Variants in LLGL2 observed in about 807,000 individuals in gnomAD.
LLGL2 encodes the protein LLGL2, scribble cell polarity complex component.
In LLGL2, 81 loss-of-function variants were observed where a neutral mutation model predicts 123.2. The ratio of observed to expected loss-of-function variants is 0.66; its 90% CI spans 0.55 to 0.79. The LOEUF (loss-of-function observed/expected upper bound fraction) is 0.79. Ranked by LOEUF, LLGL2 falls within the 30% of genes least tolerant of loss-of-function variation. The pLI, the probability that LLGL2 is intolerant of heterozygous loss-of-function variation, is 0.00. For synonymous variants in LLGL2, 577 were observed against 594.1 expected, an observed-to-expected ratio of 0.97 and a Z score of 0.42; for missense variants, 1,273 against 1,414.6, an observed-to-expected ratio of 0.90 and a Z score of 1.61.
chr17:75,570,565 G>C, intron 16 of LLGL2, 67 bp downstream of exon 16: 1 of 1,509,536 alleles, frequency 6.6e-7, no homozygotes. Flanking sequence ...CCAGCAGGGG[G>C]GCCACACGGC....
rs2055790604 is a variant in LLGL2 at position 75,572,917 on chromosome 17, C to G, written c.2461-97C>G. The stretch of plus-strand genomic sequence containing the variant: ...TGAGAGCCAAGGGTTTGTCAGGACA[C>G]CGGGAGGCATGTGGGGAGGGGAGGG... On this transcript the variant is annotated intron_variant, in intron 19 of 25. Coordinates refer to ENST00000392550, the MANE Select transcript of LLGL2 (RefSeq NM_001031803.2). 12 of 1,428,732 alleles carry G rather than the reference C, an allele frequency of 8.4e-6. No individual in the cohort carries two copies. In the South Asian group the frequency reaches 1.5e-4, roughly 17 times the overall value. 88.5% of individuals were successfully genotyped at this position (1,428,732 alleles called of 1,614,324 possible). A position where few individuals can be genotyped will look rare whatever the true frequency, so the allele number is the denominator to read the frequency against.
Position 75,573,298 on chromosome 17 carries a change from T to G in LLGL2, c.2725+20T>G, listed in dbSNP as rs1384083047. On this transcript the variant is annotated intron_variant, in intron 20 of 25. Coordinates refer to ENST00000392550, the MANE Select transcript of LLGL2 (RefSeq NM_001031803.2). Reference sequence around the variant, plus strand: ...GCCAAGGTGTTTGAGCCGGGCTGGGTGGGTGTCGGGGCCCCGGGCACTGCA... The same window carrying G: ...GCCAAGGTGTTTGAGCCGGGCTGGGGGGGTGTCGGGGCCCCGGGCACTGCA... 1.9e-6 allele frequency: 3 copies of G among 1,583,218 alleles called. No homozygotes were observed. In the South Asian group the frequency reaches 3.4e-5, roughly 18 times the overall value.
chr17:75,530,643 C>G (rs2053747620), intron 1 of LLGL2, among the ~76,000 whole-genome samples: 1 of 82,636 alleles, frequency 1.2e-5, no homozygotes, highest in African/African-American at 3.4e-5. Context: ...GAGCGAGACT[C>G]CATTTCAAAA....
rs1315202923 is a variant in LLGL2, at chr17:75,558,673, C to T, written c.371+46C>T. The stretch of plus-strand genomic sequence containing the variant: ...CCCTTCCACTCCCAGCCCAGCCTGA[C>T]CCTTGCCCTTAGCTCTGGAGTGGAC... On this transcript the variant is annotated intron_variant, in intron 5 of 25. Coordinates refer to ENST00000392550, the MANE Select transcript of LLGL2 (RefSeq NM_001031803.2). The surrounding 1 kb of genome is among the most constrained non-coding windows in gnomAD (Gnocchi z 4.0). 1 of 1,460,082 alleles carries T rather than the reference C, an allele frequency of 6.8e-7. No homozygotes were observed. Among genetic ancestry groups the T allele is most frequent in the Non-Finnish European group, 9.4e-7 (1 of 1,064,746 alleles). The allele number at this position is 1,460,082 out of a possible 1,614,324, so 90.4% of individuals were successfully genotyped here. A position where few individuals can be genotyped will look rare whatever the true frequency, so the allele number is the denominator to read the frequency against.
intron 2 of LLGL2, among the ~76,000 whole-genome samples, chr17:75,555,248 G>C (rs2054855213): frequency 6.6e-6 from 1 of 150,958 alleles, no homozygotes; most frequent in Non-Finnish European, 1.5e-5. Context: ...TTAGGTTCTA[G>C]CAAGGTTACT....
At chr17:75,555,288 T>C (rs927480458) in intron 2 of LLGL2, among the ~76,000 whole-genome samples, 21 of 94,040 alleles carry the variant, frequency 2.2e-4, no homozygotes, top group African/African-American at 7.1e-4. Context: ...GTAATTTTTG[T>C]TCTTTTTTTT....
Position 75,564,495 on chromosome 17 carries a change from G to A in LLGL2, c.1024G>A (p.Asp342Asn). The change falls in exon 10 of 26, where the codon GAC becomes AAC. Residue 342 changes from aspartate to asparagine, a missense_variant. By Grantham distance (23) the Asp-to-Asn change is conservative (BLOSUM62 1). Coordinates refer to ENST00000392550, the MANE Select transcript of LLGL2 (RefSeq NM_001031803.2). This position sits in a 1 kb window ranked among gnomAD's most constrained non-coding sequence, Gnocchi z 4.9. Reference sequence around the variant, plus strand: ...CGGCTTCACTGTCCTCACAGAGGCAGACCCTGCAGCCAGTAGGAGAGCTTC... The same window carrying A: ...CGGCTTCACTGTCCTCACAGAGGCAAACCCTGCAGCCAGTAGGAGAGCTTC... ...VIGFTVLTEADPAATFDDPYA... is the reference protein window; with the variant it reads ...VIGFTVLTEANPAATFDDPYA... 6 of 1,613,038 alleles carry A rather than the reference G, an allele frequency of 3.7e-6. No homozygotes were observed. The highest frequency in any genetic ancestry group is 4.2e-6 in the Non-Finnish European group (5 of 1,179,984).
Position 75,563,177 on chromosome 17 carries a change from A to T in LLGL2, c.692A>T (p.Gln231Leu). The T allele has an allele frequency of 8.7e-6, 14 of 1,613,070 alleles. No individual in the cohort carries two copies. The highest frequency in any genetic ancestry group is 1.2e-5 in the Non-Finnish European group (14 of 1,180,000). Reference sequence around the variant, plus strand: ...GTGCTCTACCACTTCCTCAGCAGCCAGGTAGGCAGTGCCCAGGACATGGCA... The same window carrying T: ...GTGCTCTACCACTTCCTCAGCAGCCTGGTAGGCAGTGCCCAGGACATGGCA... ...SRVLYHFLSS[Q>L]QLENIWWQRD... Residue 231 changes from glutamine (Q) to leucine (L), a missense_variant and splice_region_variant, in exon 7 of 26, where the codon CAG becomes CTG. Coordinates refer to ENST00000392550, the MANE Select transcript of LLGL2 (RefSeq NM_001031803.2).
intron 2 of LLGL2, among the ~76,000 whole-genome samples, chr17:75,543,735 G>A (rs1456925627): frequency 6.6e-6 from 1 of 152,158 alleles, no homozygotes; most frequent in Non-Finnish European, 1.5e-5. Context: ...CTGGCTGTGT[G>A]ACCTCTGCAA....
rs1429949453 is a variant in LLGL2 at position 75,549,786 on chromosome 17, C to T, written c.76-6260C>T. On this transcript the variant is annotated intron_variant, in intron 2 of 25. Transcript: ENST00000392550. The surrounding 1 kb of genome is among the most constrained non-coding windows in gnomAD (Gnocchi z 4.0). The stretch of plus-strand genomic sequence containing the variant: ...CAGGTCCTAGCCCTTGGGCAGGGTC[C>T]TCCCTGGCTGCAGGCAGGATGAAGG... 6.6e-6 allele frequency among the ~76,000 whole-genome samples: 1 copy of T among 152,198 alleles called. No homozygotes were observed. Among genetic ancestry groups the T allele is most frequent in the Non-Finnish European group, 1.5e-5 (1 of 68,030 alleles).
rs201265723 is a variant in LLGL2 at position 75,563,479 on chromosome 17, G to A, written c.826+16G>A. The A allele has an allele frequency of 1.6e-5, 25 of 1,610,534 alleles. No individual in the cohort carries two copies. The highest frequency in any genetic ancestry group is 1.3e-4 in the South Asian group (12 of 90,984). ...GTGCCTTACGGTCAGTGTTTCACCC[G>A]CCGGGCAGGGCCCACCCCCAGTGCC... is the stretch of plus-strand genomic sequence containing the variant. On this transcript the variant is annotated intron_variant, in intron 8 of 25. Transcript: ENST00000392550.
At chr17:75,542,070 C>T (rs1205088742) in intron 1 of LLGL2, among the ~76,000 whole-genome samples, 1 of 151,956 alleles carries the variant, frequency 6.6e-6, no homozygotes, top group African/African-American at 2.4e-5. Flanking sequence ...ACAGCAAGCC[C>T]TCGGTTCCTC....
chr17:75,558,247 T>C lies in LLGL2; in HGVS notation c.255+11T>C. 1 of 1,608,962 alleles carries C rather than the reference T, an allele frequency of 6.2e-7. No homozygotes were observed. The highest frequency in any genetic ancestry group is 8.5e-7 in the Non-Finnish European group (1 of 1,177,402). On this transcript the variant is annotated intron_variant, in intron 4 of 25. Coordinates refer to ENST00000392550, the MANE Select transcript of LLGL2 (RefSeq NM_001031803.2). This position sits in a 1 kb window ranked among gnomAD's most constrained non-coding sequence, Gnocchi z 4.0. The stretch of plus-strand genomic sequence containing the variant: ...CTCCTGCCCGGCCAGGTGAGGGACC[T>C]GGGGTGGGACAGGAAGCCACTTCCA...
Position 75,558,310 on chromosome 17 carries a change from G to A in LLGL2, c.255+74G>A. The A allele has an allele frequency of 6.9e-7, 1 of 1,450,140 alleles. No individual in the cohort carries two copies. The highest frequency in any genetic ancestry group is 1.2e-5 in the South Asian group (1 of 84,920). The allele number at this position is 1,450,140 out of a possible 1,614,324, so 89.8% of individuals were successfully genotyped here. ...CTTCACTGCTTCCAGCAGGGCTGGTGTGGAGAGGCTGGCATTCGGTGGCCC... is the reference window on the plus strand; with the variant it reads ...CTTCACTGCTTCCAGCAGGGCTGGTATGGAGAGGCTGGCATTCGGTGGCCC... On this transcript the variant is annotated intron_variant, in intron 4 of 25. Coordinates refer to ENST00000392550, the MANE Select transcript of LLGL2 (RefSeq NM_001031803.2). The surrounding 1 kb of genome is among the most constrained non-coding windows in gnomAD (Gnocchi z 4.0).
In LLGL2 at chr17:75,558,105, G is replaced by C. The variant is rs77958196; in HGVS notation, c.174-50G>C. On this transcript the variant is annotated intron_variant, in intron 3 of 25. Transcript: ENST00000392550. This position sits in a 1 kb window ranked among gnomAD's most constrained non-coding sequence, Gnocchi z 4.0. ...CCCCGAGGGCCTGGCACTCAAGGCA[G>C]GCAGGGGATGGTGTCCGACCTTCCA... 0.032 allele frequency: 49,837 copies of C among 1,567,588 alleles called. 1,027 individuals are homozygous for C. The highest frequency in any genetic ancestry group is 0.071 in the Middle Eastern group (424 of 5,984).
intron 2 of LLGL2, 93 bp downstream of exon 2, chr17:75,543,594 A>G: frequency 1.1e-6 from 1 of 936,966 alleles, no homozygotes; most frequent in South Asian, 1.8e-5. Context: ...ATTAAGGTAT[A>G]GCTCTTATGT....
chr17:75,564,878 AAG>A lies in LLGL2; in HGVS notation c.1036+372_1036+373del, dbSNP rs1491210092. Among the ~76,000 whole-genome samples the A allele has an allele frequency of 6.7e-6, 1 of 150,038 alleles. No individual in the cohort carries two copies. The highest frequency in any genetic ancestry group is 1.5e-5 in the Non-Finnish European group (1 of 67,480). On this transcript the variant is annotated intron_variant, in intron 10 of 25. Coordinates refer to ENST00000392550, the MANE Select transcript of LLGL2 (RefSeq NM_001031803.2). This position sits in a 1 kb window ranked among gnomAD's most constrained non-coding sequence, Gnocchi z 4.9. ...ACTGTGTCTCAAAAAAAAAAAAAAA[AAG>A]GGCTCTGCACAGATGTTCCTAAGCC...
chr17:75,535,817 G>T (rs1206529213), intron 1 of LLGL2, among the ~76,000 whole-genome samples: 3 of 152,220 alleles, frequency 2.0e-5, no homozygotes, highest in Non-Finnish European at 2.9e-5. Flanking sequence ...GAGCTCTCCT[G>T]TTCTTTCCAA....
At chr17:75,563,494 C>T (rs768680627) in intron 8 of LLGL2, 31 bp downstream of exon 8, 2 of 1,608,020 alleles carry the variant, frequency 1.2e-6, no homozygotes, top group Admixed American at 1.7e-5. Flanking sequence ...GCAGGGCCCA[C>T]CCCCAGTGCC....
Sources: allele counts gnomAD v4.1 joint callset (sites outside exome capture counted in the v4.1 genomes callset), GRCh38; gene constraint gnomAD v4.1.1; non-coding constraint Gnocchi (gnomAD v3.1); transcripts MANE v1.5; gene names NCBI Gene and HGNC (gene_info 2026-07-23, HGNC 2026-07-21).